Variants in SH2D3A observed in about 807,000 individuals in gnomAD.
The protein encoded by SH2D3A is SH2 domain containing 3A.
In SH2D3A, 46 loss-of-function variants were observed where a neutral mutation model predicts 50.6. The ratio of observed to expected loss-of-function variants is 0.91; its 90% CI spans 0.72 to 1.16. The LOEUF (loss-of-function observed/expected upper bound fraction) is 1.16. SH2D3A is among the 50% of genes most tolerant of loss of function. The pLI, the probability that SH2D3A is intolerant of heterozygous loss-of-function variation, is 0.00. For synonymous variants in SH2D3A, 377 were observed against 348.4 expected, an observed-to-expected ratio of 1.08 and a Z score of -0.91; for missense variants, 783 against 786.2, an observed-to-expected ratio of 1.00 and a Z score of 0.05.
In SH2D3A at chr19:6,752,568, G is replaced by A; in HGVS notation, c.*25C>T. 1 of 1,507,972 alleles carries A rather than the reference G, an allele frequency of 6.6e-7. No individual in the cohort carries two copies. Among genetic ancestry groups the A allele is most frequent in the Non-Finnish European group, 8.9e-7 (1 of 1,123,962 alleles). The allele number at this position is 1,507,972 out of a possible 1,614,324, so 93.4% of individuals were successfully genotyped here. On this transcript the variant is annotated 3_prime_UTR_variant, in exon 10 of 10. Transcript: ENST00000245908. ...GGTTCGCAAAAACCTGGGGGTCCCG[G>A]GTGTGAAGAAGGGTGTCTGCGCTCT... is the stretch of plus-strand genomic sequence containing the variant.
intron 2 of SH2D3A, among the ~76,000 whole-genome samples, chr19:6,762,955 A>C (rs997543339): frequency 7.9e-5 from 12 of 152,102 alleles, no homozygotes; most frequent in Admixed American, 7.2e-4. Context: ...GATTTTAACT[A>C]TTAAGTTCTA....
chr19:6,753,915 C>G (rs1969483558), intron 8 of SH2D3A, 137 bp downstream of exon 8: 1 of 1,142,038 alleles, frequency 8.8e-7, no homozygotes. Context: ...CAGGACCAAC[C>G]CTCATGTGGA....
chr19:6,756,828 A>G (rs1250950177), intron 4 of SH2D3A, among the ~76,000 whole-genome samples: 1 of 151,582 alleles, frequency 6.6e-6, no homozygotes, highest in Non-Finnish European at 1.5e-5. Flanking sequence ...CTTCAGCTAC[A>G]CTCGTGTGTC....
intron 8 of SH2D3A, 98 bp from the exon 9 acceptor site, chr19:6,753,739 G>C: frequency 1.6e-6 from 2 of 1,269,596 alleles, no homozygotes; most frequent in Non-Finnish European, 2.1e-6. Context: ...GCTTAGGACT[G>C]AGCGACAGCG....
intron 3 of SH2D3A, among the ~76,000 whole-genome samples, chr19:6,760,293 T>C (rs1290608663): frequency 6.6e-6 from 1 of 152,184 alleles, no homozygotes; most frequent in Non-Finnish European, 1.5e-5. Context: ...GGAGAATTGC[T>C]TGAACCCGGG....
At chr19:6,758,712 TC>T (rs1342991178) in intron 4 of SH2D3A, 34 of 152,362 alleles carry the variant, frequency 2.2e-4, no homozygotes, top group African/African-American at 7.9e-4. Flanking sequence ...CGGGCAGGGA[TC>T]TTTGTCTCTT....
At position 6,763,742 on chromosome 19, in the gene SH2D3A, C is replaced by T. The variant is rs1970156331; in HGVS notation, c.7G>A (p.Val3Met). 6.2e-7 allele frequency: 1 copy of T among 1,612,450 alleles called. No homozygotes were observed. Among genetic ancestry groups the T allele is most frequent in the Non-Finnish European group, 8.5e-7 (1 of 1,179,594 alleles). ...GCAAGGTCTTCTCCATCCTGTGGCA[C>T]CTGCATGGAGCTCTTGGGAACAGAG... MQ[V>M]PQDGEDLAGQ... Residue 3 changes from valine to methionine, a missense_variant, in exon 2 of 10, where the codon GTG (valine) becomes ATG (methionine). Transcript: ENST00000245908.
At chr19:6,759,707 C>G (rs751477358) in intron 3 of SH2D3A, 37 bp from the exon 4 acceptor site, 1 of 1,593,740 alleles carries the variant, frequency 6.3e-7, no homozygotes, top group South Asian at 1.1e-5. Context: ...GTAGTCCCCA[C>G]CTAAGCAGTG....
intron 4 of SH2D3A, among the ~76,000 whole-genome samples, chr19:6,756,941 G>T (rs1420650810): frequency 6.6e-6 from 1 of 151,974 alleles, no homozygotes; most frequent in Non-Finnish European, 1.5e-5. Flanking sequence ...CGCCATCTCG[G>T]CTTATTGCAA....
rs1969372122 is a variant in SH2D3A, at chr19:6,752,535, T to C, written c.*58A>G. The stretch of plus-strand genomic sequence containing the variant: ...GGAGCCTGGGACGACTCCTTTGGTC[T>C]CTTCTGGGGTTCGCAAAAACCTGGG... On this transcript the variant is annotated 3_prime_UTR_variant, in exon 10 of 10. Transcript: ENST00000245908. The C allele has an allele frequency of 1.4e-6, 2 of 1,409,852 alleles. No individual in the cohort carries two copies. Among genetic ancestry groups the C allele is most frequent in the African/African-American group, 1.4e-5 (1 of 69,616 alleles). 87.3% of individuals were successfully genotyped at this position (1,409,852 alleles called of 1,614,324 possible). A position where few individuals can be genotyped will look rare whatever the true frequency, so the allele number is the denominator to read the frequency against.
At chr19:6,765,184 C>T (rs1970243951) in intron 1 of SH2D3A, among the ~76,000 whole-genome samples, 1 of 151,548 alleles carries the variant, frequency 6.6e-6, no homozygotes, top group Admixed American at 6.6e-5. Context: ...TCTGGCTGTG[C>T]CTGGCTAATT....
At chr19:6,764,663 C>T (rs561539560) in intron 1 of SH2D3A, among the ~76,000 whole-genome samples, 1 of 152,062 alleles carries the variant, frequency 6.6e-6, no homozygotes, top group East Asian at 1.9e-4. Flanking sequence ...GACAAAAAAA[C>T]TAAACCATGG....
In SH2D3A at chr19:6,754,101, G is replaced by A. The variant is rs768793206; in HGVS notation, c.1335C>T (p.Ala445=). ...TCAGCGGCTTCAGCTCCTGCTCAAAGGCCAGCGCAGCCTCCGTGTGGCTCC... is the reference window on the plus strand; with the variant it reads ...TCAGCGGCTTCAGCTCCTGCTCAAAAGCCAGCGCAGCCTCCGTGTGGCTCC... The part of the protein sequence containing the change: ...LRRSHTEAAL[A]FEQELKPLMR... Residue 445 remains alanine, a synonymous_variant, in exon 8 of 10, where the codon GCC becomes GCT. Coordinates refer to ENST00000245908, the MANE Select transcript of SH2D3A (RefSeq NM_005490.3). The A allele has an allele frequency of 3.1e-6, 5 of 1,613,460 alleles. No homozygotes were observed. The East Asian group carries it at 1.1e-4, about 36-fold the overall frequency.
chr19:6,753,996 C>A (rs1043537622), intron 8 of SH2D3A, 56 bp downstream of exon 8: 50 of 1,521,978 alleles, frequency 3.3e-5, no homozygotes, highest in Non-Finnish European at 4.0e-5. Context: ...TAGATTGAGT[C>A]CTGTTAAATT....
intron 1 of SH2D3A, 166 bp from the exon 2 acceptor site, chr19:6,763,982 G>A (rs1157995751): frequency 4.2e-6 from 1 of 238,760 alleles, no homozygotes; most frequent in Non-Finnish European, 7.7e-6. Flanking sequence ...GTGCGATCTT[G>A]GCTCACTGCA....
intron 1 of SH2D3A, chr19:6,764,023 C>T (rs532191908): frequency 1.5e-5 from 3 of 197,578 alleles, no homozygotes; most frequent in South Asian, 9.1e-5. Flanking sequence ...AGCGATTCTC[C>T]TGCCTCAGCC....
chr19:6,763,872 C>T (rs377130076), intron 1 of SH2D3A, 56 bp from the exon 2 acceptor site: 14 of 482,226 alleles, frequency 2.9e-5, no homozygotes, highest in East Asian at 1.5e-4. Flanking sequence ...TCCTTTCATC[C>T]TCTTCTTAAT....
In SH2D3A at chr19:6,752,682, G is replaced by C; in HGVS notation, c.1642C>G (p.Arg548Gly). 1.9e-6 allele frequency: 3 copies of C among 1,552,760 alleles called. No homozygotes were observed. The highest frequency in any genetic ancestry group is 2.6e-6 in the Non-Finnish European group (3 of 1,148,054). The change falls in exon 10 of 10, where the codon CGG (arginine) becomes GGG (glycine). Residue 548 changes from arginine (R) to glycine (G), a missense_variant. Transcript: ENST00000245908. ...GFVRRLLWGS[R>G]GAGAPRAERF... ...TCAGCGCGCGGAGCTCCCGCGCCCC[G>C]GCTACCCCAGAGCAGCCTCCGCACG...
Position 6,760,937 on chromosome 19 carries a change from A to C in SH2D3A, c.120T>G (p.Ser40=). Residue 40 remains serine (S), a synonymous_variant, in exon 3 of 10, where the codon TCT becomes TCG. Coordinates refer to ENST00000245908, the MANE Select transcript of SH2D3A (RefSeq NM_005490.3). ...QQNGDFLVRA[S]GSRGGNPVIS... The stretch of plus-strand genomic sequence containing the variant: ...TCACGGGGTTGCCCCCACGGGACCC[A>C]GAGGCGCGAACCAGGAAGTCGCCAT... 1.9e-6 allele frequency: 3 copies of C among 1,613,818 alleles called. No homozygotes were observed. The South Asian group carries it at 3.3e-5, about 18-fold the overall frequency.
Sources: gnomAD v4.1 joint callset for allele counts (sites outside exome capture counted in the v4.1 genomes callset) on GRCh38, gnomAD v4.1.1 for gene constraint, MANE v1.5 for transcripts, NCBI Gene and HGNC (gene_info 2026-07-23, HGNC 2026-07-21) for gene names.